The following TEAD4 variants were observed in gnomAD, a reference collection of about 807,000 sequenced individuals.
The protein encoded by TEAD4 is TEA domain transcription factor 4, also known as transcriptional enhancer factor TEF-3.
In TEAD4, 36 loss-of-function variants were observed where a neutral mutation model predicts 52.4. The observed-to-expected ratio is 0.69, with a 90% CI of 0.53 to 0.91. TEAD4 has a LOEUF of 0.91. Among genes scored for constraint, TEAD4 ranks in the 40% least tolerant of loss-of-function variants. The pLI, the probability that TEAD4 is intolerant of heterozygous loss-of-function variation, is 0.00. For missense variants in TEAD4, 508 were observed against 583.9 expected, an observed-to-expected ratio of 0.87 and a Z score of 1.34; for synonymous variants, 220 against 231.0, an observed-to-expected ratio of 0.95 and a Z score of 0.43.
intron 2 of TEAD4, among the ~76,000 whole-genome samples, chr12:2,992,798 G>A (rs1340392303): frequency 3.3e-5 from 5 of 152,140 alleles, no homozygotes; most frequent in Non-Finnish European, 7.3e-5. Context: ...GTTCCCAGCT[G>A]GTACTCATAA....
At position 3,020,742 on chromosome 12, in the gene TEAD4, C is replaced by T; in HGVS notation, c.692C>T (p.Ala231Val). ...AAGCTCTGGATGTTGGAGTTCTCTGCCTTCCTGGAGCAGCAGCAGGACCCG... is the reference window on the plus strand; with the variant it reads ...AAGCTCTGGATGTTGGAGTTCTCTGTCTTCCTGGAGCAGCAGCAGGACCCG... Residue 231 changes from alanine (A) to valine (V), a missense_variant, in exon 9 of 13, where the codon GCC (alanine) becomes GTC (valine). Transcript: ENST00000359864. 6.2e-7 allele frequency: 1 copy of T among 1,608,228 alleles called. No homozygotes were observed. Among genetic ancestry groups the T allele is most frequent in the Non-Finnish European group, 8.5e-7 (1 of 1,177,150 alleles).
chr12:2,975,194 T>A (rs1476724650), intron 2 of TEAD4, among the ~76,000 whole-genome samples: 1 of 148,468 alleles, frequency 6.7e-6, no homozygotes, highest in Non-Finnish European at 1.5e-5. Flanking sequence ...AAAAAAAGAC[T>A]ATAATTTTGA....
chr12:2,960,855 C>T (rs1353005483), intron 2 of TEAD4, among the ~76,000 whole-genome samples: 3 of 152,186 alleles, frequency 2.0e-5, no homozygotes, highest in Non-Finnish European at 4.4e-5. Context: ...GTCAGTGTCT[C>T]TGGTTGCCTG....
chr12:3,013,135 A>G (rs1449574258), intron 5 of TEAD4, among the ~76,000 whole-genome samples: 8 of 151,884 alleles, frequency 5.3e-5, no homozygotes, highest in Admixed American at 1.3e-4. Flanking sequence ...ATTTTTTTAT[A>G]GAGATGAGGT....
At chr12:2,995,097 G>A in intron 3 of TEAD4, 105 bp downstream of exon 3, 6 of 1,399,570 alleles carry the variant, frequency 4.3e-6, no homozygotes, top group Non-Finnish European at 5.8e-6. Context: ...GACCACTTGG[G>A]GCTTTGTCGG....
At chr12:2,996,916 C>T (rs1335971425) in intron 3 of TEAD4, among the ~76,000 whole-genome samples, 2 of 152,198 alleles carry the variant, frequency 1.3e-5, no homozygotes, top group African/African-American at 4.8e-5. Flanking sequence ...CCCGGCCTTG[C>T]ATCTGTATTT....
At chr12:2,997,027 C>T (rs1384744617) in intron 3 of TEAD4, among the ~76,000 whole-genome samples, 5 of 152,200 alleles carry the variant, frequency 3.3e-5, no homozygotes, top group Non-Finnish European at 7.3e-5. Flanking sequence ...TTCCTTCTCT[C>T]TCCTATAAAT....
rs1268860417 is a variant in TEAD4 at position 2,959,444 on chromosome 12, G to C, written c.-160G>C. ...CCTCGCACACTCGAGGCCAGGGGGC[G>C]GGAGGGCCGCAGCTCCGGCGCCGCC... On this transcript the variant is annotated 5_prime_UTR_variant, in exon 1 of 13. Coordinates refer to ENST00000359864, the MANE Select transcript of TEAD4 (RefSeq NM_003213.4). This position sits in a 1 kb window ranked among gnomAD's most constrained non-coding sequence, Gnocchi z 5.1. 1 of 146,900 alleles carries C rather than the reference G, an allele frequency of 6.8e-6. No individual in the cohort carries two copies. The allele number at this position is 146,900 out of a possible 1,614,324, so 9.1% of individuals were successfully genotyped here.
intron 2 of TEAD4, among the ~76,000 whole-genome samples, chr12:2,984,724 A>G (rs2098236720): frequency 6.6e-6 from 1 of 152,222 alleles, no homozygotes; most frequent in Admixed American, 6.5e-5. Context: ...CAACTATAAC[A>G]CAGTGGTAAC....
At chr12:2,965,081 C>G (rs2098219160) in intron 2 of TEAD4, among the ~76,000 whole-genome samples, 1 of 152,138 alleles carries the variant, frequency 6.6e-6, no homozygotes, top group South Asian at 2.1e-4. Context: ...TTTGTTTCTT[C>G]AAGGAAGCAA....
At position 3,028,498 on chromosome 12, in the gene TEAD4, C is replaced by T. The variant is rs561515659; in HGVS notation, c.897+6481C>T. Among the ~76,000 whole-genome samples, 74 of 152,318 alleles carry T rather than the reference C, an allele frequency of 4.9e-4. No homozygotes were observed. In the South Asian group the frequency reaches 7.7e-3, roughly 16 times the overall value. ...TATTCTCTGATTGTAGCCATCCTAGCAAATGTGAAGTGGTATCTCATTGTG... is the reference window on the plus strand; with the variant it reads ...TATTCTCTGATTGTAGCCATCCTAGTAAATGTGAAGTGGTATCTCATTGTG... On this transcript the variant is annotated intron_variant, in intron 10 of 12. Transcript: ENST00000359864.
chr12:3,017,335 C>T, intron 5 of TEAD4, 63 bp from the exon 6 acceptor site: 3 of 1,608,328 alleles, frequency 1.9e-6, no homozygotes, highest in South Asian at 1.1e-5. Context: ...GAGGGCCGGA[C>T]CTGCCTGGCC....
At chr12:3,035,065 C>A (rs780424971) in intron 10 of TEAD4, among the ~76,000 whole-genome samples, 4 of 152,088 alleles carry the variant, frequency 2.6e-5, no homozygotes, top group African/African-American at 9.7e-5. Flanking sequence ...TGCACCACCA[C>A]ACTCCAGCCC....
chr12:3,039,617 A>G (rs1039976410), intron 11 of TEAD4, among the ~76,000 whole-genome samples: 16 of 152,132 alleles, frequency 1.1e-4, no homozygotes, highest in South Asian at 2.1e-4. Context: ...CCCTCCTGCC[A>G]TCCCCGGTTC....
At chr12:3,009,237 G>T (rs1458002943) in intron 3 of TEAD4, among the ~76,000 whole-genome samples, 1 of 152,192 alleles carries the variant, frequency 6.6e-6, no homozygotes, top group Non-Finnish European at 1.5e-5. Flanking sequence ...AGACCAGCCT[G>T]GCCAACATGG....
chr12:2,997,812 G>T (rs535726904), intron 3 of TEAD4, among the ~76,000 whole-genome samples: 2 of 151,058 alleles, frequency 1.3e-5, no homozygotes, highest in South Asian at 2.1e-4. Flanking sequence ...TTTCGGGGGG[G>T]GGGTGTGTGT....
At position 3,039,836 on chromosome 12, in the gene TEAD4, C is replaced by T. The variant is rs541349746; in HGVS notation, c.1039-271C>T. On this transcript the variant is annotated intron_variant, in intron 11 of 12. Coordinates refer to ENST00000359864, the MANE Select transcript of TEAD4 (RefSeq NM_003213.4). Reference sequence around the variant, plus strand: ...CAGAGTAGCTGGGATTACAGGCACGCGCCACCGTGCCTGGCTAATTTTTGT... The same window carrying T: ...CAGAGTAGCTGGGATTACAGGCACGTGCCACCGTGCCTGGCTAATTTTTGT... 1.5e-4 allele frequency among the ~76,000 whole-genome samples: 23 copies of T among 152,234 alleles called. 1 individual carries two copies. Among genetic ancestry groups the T allele is most frequent in the Middle Eastern group, 6.8e-3 (2 of 294 alleles).
At chr12:3,015,928 A>C (rs1444969809) in intron 5 of TEAD4, among the ~76,000 whole-genome samples, 1 of 152,172 alleles carries the variant, frequency 6.6e-6, no homozygotes, top group Admixed American at 6.5e-5. Context: ...CCTATAATCC[A>C]GCACTGGGAG....
intron 2 of TEAD4, among the ~76,000 whole-genome samples, chr12:2,971,507 G>A (rs1425456999): frequency 4.0e-5 from 6 of 151,318 alleles, no homozygotes; most frequent in African/African-American, 4.8e-5. Flanking sequence ...ACAGAGTCTC[G>A]CTCTGTCGCC....
Sources: allele counts gnomAD v4.1 joint callset (sites outside exome capture counted in the v4.1 genomes callset), GRCh38; gene constraint gnomAD v4.1.1; non-coding constraint Gnocchi (gnomAD v3.1); transcripts MANE v1.5; gene names NCBI Gene and HGNC (gene_info 2026-07-23, HGNC 2026-07-21).